The following PCDH9 variants were observed in gnomAD, a reference collection of about 807,000 sequenced individuals.
PCDH9 encodes the protein protocadherin 9.
Under a neutral mutation model 70.6 loss-of-function variants are expected in PCDH9, and 24 were observed. That is an observed-to-expected ratio of 0.34 (90% CI 0.25 to 0.48). PCDH9 has a LOEUF of 0.48. Among genes scored for constraint, PCDH9 ranks in the 20% least tolerant of loss-of-function variants. The pLI, the probability that PCDH9 is intolerant of heterozygous loss-of-function variation, is 0.99. For synonymous variants in PCDH9, 562 were observed against 558.5 expected, an observed-to-expected ratio of 1.01 and a Z score of -0.09; for missense variants, 1,281 against 1,503.6, an observed-to-expected ratio of 0.85 and a Z score of 2.45.
At chr13:66,393,118 T>G (rs1461466969) in intron 4 of PCDH9, among the ~76,000 whole-genome samples, 1 of 152,170 alleles carries the variant, frequency 6.6e-6, no homozygotes, top group Admixed American at 6.5e-5. Flanking sequence ...CTGTTCTAAG[T>G]GTAAGTTTCA....
Position 66,377,303 on chromosome 13 carries a change from G to A in PCDH9, c.3341-72275C>T, listed in dbSNP as rs190463263. ...CACCTGGGGGGCTTGTTAAAACCCA[G>A]ACTGCCAGTCCCCGCCCTGAGTTTC... On this transcript the variant is annotated intron_variant, in intron 4 of 4. Transcript: ENST00000377865. 1.6e-3 allele frequency among the ~76,000 whole-genome samples: 238 copies of A among 152,200 alleles called. 3 individuals are homozygous for A. Among genetic ancestry groups the A allele is most frequent in the Non-Finnish European group, 1.3e-3 (86 of 68,000 alleles).
intron 4 of PCDH9, among the ~76,000 whole-genome samples, chr13:66,583,858 A>C (rs542253183): frequency 1.3e-5 from 2 of 152,322 alleles, no homozygotes; most frequent in Admixed American, 6.5e-5. Flanking sequence ...AATGGTGGCC[A>C]ACAGAAATAC....
chr13:66,964,848 G>A (rs996427740), intron 2 of PCDH9, among the ~76,000 whole-genome samples: 34 of 151,342 alleles, frequency 2.2e-4, no homozygotes, highest in African/African-American at 8.0e-4. Flanking sequence ...AGAGATCTGG[G>A]GCACATGAAA....
At chr13:66,524,278 TTC>T (rs1960122212) in intron 4 of PCDH9, among the ~76,000 whole-genome samples, 1 of 152,130 alleles carries the variant, frequency 6.6e-6, no homozygotes, top group Non-Finnish European at 1.5e-5. Flanking sequence ...TTGATATGAA[TTC>T]TGTTTGTATC....
At chr13:66,339,403 G>A (rs1956089363) in intron 4 of PCDH9, among the ~76,000 whole-genome samples, 1 of 151,956 alleles carries the variant, frequency 6.6e-6, no homozygotes, top group Non-Finnish European at 1.5e-5. Flanking sequence ...GAACCTAAAG[G>A]AAGTCTTTCT....
chr13:67,182,075 A>G lies in PCDH9; in HGVS notation c.3036+43330T>C, dbSNP rs181271447. 5.3e-5 allele frequency among the ~76,000 whole-genome samples: 8 copies of G among 152,200 alleles called. No individual in the cohort carries two copies. In the East Asian group the frequency reaches 1.6e-3, roughly 30 times the overall value. ...GGATCTCTTCTTTCACTTGTTACCA[A>G]CATCAGTTTCAAGTTTCAGGGCATT... On this transcript the variant is annotated intron_variant, in intron 2 of 4. Coordinates refer to ENST00000377865, the MANE Select transcript of PCDH9 (RefSeq NM_203487.3).
At chr13:66,372,438 G>A (rs1014922910) in intron 4 of PCDH9, among the ~76,000 whole-genome samples, 6 of 151,658 alleles carry the variant, frequency 4.0e-5, no homozygotes, top group Admixed American at 4.0e-4. Context: ...AAAAAGAGTC[G>A]AGAAGATCAG....
chr13:67,034,748 A>C (rs2084977232), intron 2 of PCDH9, among the ~76,000 whole-genome samples: 1 of 150,990 alleles, frequency 6.6e-6, no homozygotes, highest in South Asian at 2.1e-4. Flanking sequence ...GTGTGTCACG[A>C]GAGTTTGGTG....
intron 4 of PCDH9, among the ~76,000 whole-genome samples, chr13:66,425,565 A>C (rs1337225559): frequency 6.6e-6 from 1 of 151,704 alleles, no homozygotes; most frequent in East Asian, 1.9e-4. Context: ...AAACGAAAAA[A>C]AAAAAAATAC....
intron 2 of PCDH9, among the ~76,000 whole-genome samples, chr13:66,953,396 T>C (rs147414798): frequency 3.3e-4 from 51 of 152,340 alleles, no homozygotes; most frequent in Admixed American, 1.9e-3. Context: ...ATGTTCAAAA[T>C]ATACTTGCTG....
intron 2 of PCDH9, among the ~76,000 whole-genome samples, chr13:67,026,449 C>A (rs2084782862): frequency 6.6e-6 from 1 of 152,076 alleles, no homozygotes; most frequent in Non-Finnish European, 1.5e-5. Flanking sequence ...ATACCCACAG[C>A]CCATATCATA....
At chr13:67,175,605 C>G (rs1394286919) in intron 2 of PCDH9, among the ~76,000 whole-genome samples, 3 of 152,130 alleles carry the variant, frequency 2.0e-5, no homozygotes, top group Non-Finnish European at 4.4e-5. Flanking sequence ...ATACATTAGT[C>G]CTTCCCATTC....
At chr13:67,119,885 TA>T (rs2086845010) in intron 2 of PCDH9, among the ~76,000 whole-genome samples, 1 of 152,108 alleles carries the variant, frequency 6.6e-6, no homozygotes, top group South Asian at 2.1e-4. Flanking sequence ...GCTGGGCTGG[TA>T]ACACTGGGTT....
At chr13:66,458,201 T>C (rs74095208) in intron 4 of PCDH9, among the ~76,000 whole-genome samples, 2,036 of 152,152 alleles carry the variant, frequency 0.013, 50 homozygotes, top group African/African-American at 0.046. Context: ...CCAGACTTTA[T>C]TTTTGTTGAA....
At chr13:66,492,720 C>G (rs1043682167) in intron 4 of PCDH9, among the ~76,000 whole-genome samples, 15 of 152,012 alleles carry the variant, frequency 9.9e-5, no homozygotes, top group African/African-American at 3.6e-4. Context: ...CATTGATCAG[C>G]TGCATGACTA....
intron 2 of PCDH9, chr13:67,219,654 T>A (rs2089681326): frequency 6.6e-6 from 1 of 151,940 alleles, no homozygotes; most frequent in South Asian, 2.1e-4. Context: ...GTGATTAGAG[T>A]CATATTTTAA....
intron 2 of PCDH9, among the ~76,000 whole-genome samples, chr13:67,048,515 G>A (rs1321991107): frequency 1.3e-5 from 2 of 152,084 alleles, no homozygotes; most frequent in Admixed American, 6.6e-5. Flanking sequence ...CAGTAACTCC[G>A]GGCATTTCCT....
chr13:67,011,518 T>G (rs2084451210), intron 2 of PCDH9, among the ~76,000 whole-genome samples: 2 of 151,814 alleles, frequency 1.3e-5, no homozygotes, highest in Admixed American at 1.3e-4. Context: ...CTGAGGAGTA[T>G]TATTCGTATG....
chr13:66,545,809 C>T (rs200383026), intron 4 of PCDH9, among the ~76,000 whole-genome samples: 28 of 143,470 alleles, frequency 2.0e-4, no homozygotes, highest in South Asian at 2.2e-4. Context: ...TTTTATTTTA[C>T]TTTATTTTAT....
Sources: allele counts gnomAD v4.1 joint callset (sites outside exome capture counted in the v4.1 genomes callset), GRCh38; gene constraint gnomAD v4.1.1; transcripts MANE v1.5; gene names NCBI Gene and HGNC (gene_info 2026-07-23, HGNC 2026-07-21).